The following MME variants were observed in gnomAD, a reference collection of about 807,000 sequenced individuals.
MME encodes neprilysin.
MME carries 98 observed loss-of-function variants against 113.2 expected under a neutral mutation model. The ratio of observed to expected loss-of-function variants is 0.87; its 90% CI spans 0.74 to 1.02. MME has a LOEUF of 1.02. MME is among the 50% of genes least tolerant of loss of function. MME has a pLI of 0.00. For missense variants in MME, 836 were observed against 896.0 expected, an observed-to-expected ratio of 0.93 and a Z score of 0.86; for synonymous variants, 292 against 300.6, an observed-to-expected ratio of 0.97 and a Z score of 0.30.
At chr3:155,124,512 C>T (rs1360510241) in intron 8 of MME, among the ~76,000 whole-genome samples, 1 of 152,172 alleles carries the variant, frequency 6.6e-6, no homozygotes, top group African/African-American at 2.4e-5. Context: ...TTAGAGTTTC[C>T]AGTTTTTCTG....
At chr3:155,180,250 A>T in intron 22 of MME, 110 bp from the exon 23 acceptor site, 1 of 836,228 alleles carries the variant, frequency 1.2e-6, no homozygotes, top group Non-Finnish European at 2.1e-6. Flanking sequence ...GTTTAACTTT[A>T]AATTCCAAAT....
chr3:155,066,306 A>T (rs1463641090), intron 1 of MME, among the ~76,000 whole-genome samples: 1 of 152,202 alleles, frequency 6.6e-6, no homozygotes, highest in Non-Finnish European at 1.5e-5. Flanking sequence ...AATATGCATG[A>T]TTATTGCCCT....
intron 1 of MME, chr3:155,083,496 A>G (rs954775044): frequency 5.9e-5 from 9 of 152,936 alleles, no homozygotes; most frequent in African/African-American, 2.2e-4. Context: ...GTTAGGTTGG[A>G]TATTCAGGTA....
At position 155,166,212 on chromosome 3, in the gene MME, TAAAC is replaced by T. The variant is rs545226947; in HGVS notation, c.1661-686_1661-683del. ...TAGAAAAATGTATGAAATTAAAAAA[TAAAC>T]AAATATATGTACAGACACAGAAATC... On this transcript the variant is annotated intron_variant, in intron 17 of 22. Coordinates refer to ENST00000360490, the MANE Select transcript of MME (RefSeq NM_007289.4). Among the ~76,000 whole-genome samples, 84 of 152,118 alleles carry T rather than the reference TAAAC, an allele frequency of 5.5e-4. No homozygotes were observed. In the South Asian group the frequency reaches 0.012, roughly 22 times the overall value.
At chr3:155,153,939 G>A (rs989297323) in intron 16 of MME, among the ~76,000 whole-genome samples, 7 of 152,098 alleles carry the variant, frequency 4.6e-5, no homozygotes, top group African/African-American at 1.4e-4. Flanking sequence ...GATGAAAGGC[G>A]GGGTTTGGTT....
chr3:155,040,803 T>A (rs4624528), intron 1 of MME, among the ~76,000 whole-genome samples: 28 of 152,294 alleles, frequency 1.8e-4, no homozygotes, highest in African/African-American at 6.5e-4. Flanking sequence ...ATTATCTTGA[T>A]TCTCCCATAT....
chr3:155,044,554 G>A (rs1317445733), intron 1 of MME, among the ~76,000 whole-genome samples: 1 of 151,436 alleles, frequency 6.6e-6, no homozygotes, highest in Non-Finnish European at 1.5e-5. Flanking sequence ...GAGTCTCGCT[G>A]TTGTTGCCCA....
At chr3:155,143,812 AG>A (rs1721307482) in intron 13 of MME, among the ~76,000 whole-genome samples, 1 of 152,182 alleles carries the variant, frequency 6.6e-6, no homozygotes, top group Non-Finnish European at 1.5e-5. Context: ...TTCCAGAAGC[AG>A]TGTATTTGGA....
intron 1 of MME, among the ~76,000 whole-genome samples, chr3:155,041,632 G>A (rs1427949538): frequency 6.6e-6 from 1 of 152,114 alleles, no homozygotes; most frequent in African/African-American, 2.4e-5. Context: ...GGTATTTAGA[G>A]CATAGCATCT....
chr3:155,148,856 A>T (rs1403453702), intron 16 of MME, among the ~76,000 whole-genome samples: 2 of 152,186 alleles, frequency 1.3e-5, no homozygotes, highest in Admixed American at 6.6e-5. Flanking sequence ...TACCTTTCTC[A>T]TTAAGGTATC....
intron 3 of MME, among the ~76,000 whole-genome samples, chr3:155,091,310 T>C (rs73875805): frequency 0.015 from 2,336 of 152,296 alleles, 68 homozygotes; most frequent in African/African-American, 0.053. Context: ...ATCAGTTATA[T>C]CATAAATACA....
chr3:155,060,647 C>T (rs1285277000), intron 1 of MME, among the ~76,000 whole-genome samples: 1 of 152,042 alleles, frequency 6.6e-6, no homozygotes, highest in Non-Finnish European at 1.5e-5. Context: ...TAACAGAATA[C>T]CATTTCTCAC....
At chr3:155,087,249 GT>G (rs71624557) in intron 3 of MME, among the ~76,000 whole-genome samples, 30,209 of 120,732 alleles carry the variant, frequency 0.25, 3,342 homozygotes, top group East Asian at 0.47. Flanking sequence ...GTGCCCTTTG[GT>G]TTTTTTTTTT....
At chr3:155,079,865 C>A (rs1339014836), upstream of MME, 3 of 152,292 alleles carry the variant, frequency 2.0e-5, no homozygotes, top group African/African-American at 7.2e-5. Context: ...CAGCCTGGAG[C>A]CCGCGCGCCT....
chr3:155,168,773 T>G lies in MME; in HGVS notation c.1956T>G (p.Asn652Lys), dbSNP rs200327691. The G allele has an allele frequency of 6.2e-7, 1 of 1,613,190 alleles. No homozygotes were observed. The highest frequency in any genetic ancestry group is 1.1e-5 in the South Asian group (1 of 91,046). The change falls in exon 20 of 23, where the codon AAT (asparagine) becomes AAG (lysine). Residue 652 changes from asparagine (N) to lysine (K), a missense_variant. Transcript: ENST00000360490. ...CACTGGGAGAAAACATTGCTGATAATGGAGGTCTTGGTCAAGCATACAGAG... is the reference window on the plus strand; with the variant it reads ...CACTGGGAGAAAACATTGCTGATAAGGGAGGTCTTGGTCAAGCATACAGAG... Reference protein sequence around the residue: ...INTLGENIADNGGLGQAYRAY... With the variant: ...INTLGENIADKGGLGQAYRAY...
intron 3 of MME, among the ~76,000 whole-genome samples, chr3:155,088,539 C>T (rs189031075): frequency 2.0e-5 from 3 of 151,780 alleles, no homozygotes; most frequent in African/African-American, 7.3e-5. Flanking sequence ...CAAAATTAGC[C>T]GGGTGTGGTG....
intron 1 of MME, among the ~76,000 whole-genome samples, chr3:155,070,250 G>GGA (rs1407556520): frequency 2.0e-5 from 3 of 152,102 alleles, no homozygotes; most frequent in Non-Finnish European, 4.4e-5. Flanking sequence ...ATAAGCTTTT[G>GGA]TGAAATAACA....
intron 8 of MME, among the ~76,000 whole-genome samples, chr3:155,124,777 C>T (rs1275330935): frequency 6.6e-6 from 1 of 152,042 alleles, no homozygotes; most frequent in African/African-American, 2.4e-5. Context: ...TCTGCCGGTT[C>T]TCAGATCTCC....
At chr3:155,034,363 C>G (rs1458874788) in intron 1 of MME, among the ~76,000 whole-genome samples, 1 of 152,058 alleles carries the variant, frequency 6.6e-6, no homozygotes, top group Non-Finnish European at 1.5e-5. Context: ...TGGAGATTCC[C>G]TGGCAATAAT....
Sources: allele counts gnomAD v4.1 joint callset (sites outside exome capture counted in the v4.1 genomes callset), GRCh38; gene constraint gnomAD v4.1.1; transcripts MANE v1.5; gene names NCBI Gene and HGNC (gene_info 2026-07-23, HGNC 2026-07-21).